Variants in PPP6R1 observed in about 807,000 individuals in gnomAD.
PPP6R1 encodes the protein protein phosphatase 6 regulatory subunit 1, also known as serine/threonine-protein phosphatase 6 regulatory subunit 1.
PPP6R1 carries 39 observed loss-of-function variants against 104.6 expected under a neutral mutation model. The ratio of observed to expected loss-of-function variants is 0.37; its 90% CI spans 0.29 to 0.49. The LOEUF is 0.49. PPP6R1 is among the 20% of genes least tolerant of loss of function. PPP6R1 has a pLI of 0.98. For missense variants in PPP6R1, 1,181 were observed against 1,155.8 expected (o/e 1.02, Z -0.32); for synonymous variants, 549 against 479.0 (o/e 1.15, Z -1.91).
chr19:55,247,378 G>A (rs1057492677), intron 1 of PPP6R1: 10 of 494,108 alleles, frequency 2.0e-5, no homozygotes, highest in South Asian at 6.5e-5. Flanking sequence ...CCTCCCGGCC[G>A]CCTCGCCTGA....
chr19:55,235,840 CTT>C lies in PPP6R1; in HGVS notation c.1988+801_1988+802del, dbSNP rs1196377498. Reference sequence around the variant, plus strand: ...GCTGATTTTTTTTAATTTGTTGATTCTTTTTTTTTTTTTTTTTTTTGAGACCA... The same window carrying C: ...GCTGATTTTTTTTAATTTGTTGATTCTTTTTTTTTTTTTTTTTTGAGACCA... On this transcript the variant is annotated intron_variant, in intron 17 of 23. Transcript: ENST00000412770. Among the ~76,000 whole-genome samples, 469 of 112,984 alleles carry C rather than the reference CTT, an allele frequency of 4.2e-3. 3 individuals are homozygous for C. The highest frequency in any genetic ancestry group is 0.013 in the African/African-American group (406 of 30,376). The allele number at this position is 112,984 out of a possible 152,430, so 74.1% of individuals were successfully genotyped here. A position where few individuals can be genotyped will look rare whatever the true frequency, so the allele number is the denominator to read the frequency against.
intron 1 of PPP6R1, among the ~76,000 whole-genome samples, chr19:55,254,431 C>A (rs2087577417): frequency 6.6e-6 from 1 of 152,202 alleles, no homozygotes; most frequent in Non-Finnish European, 1.5e-5. Flanking sequence ...CCAGCCACCC[C>A]TCAAGGGCCT....
chr19:55,237,994 G>A (rs1371738818), intron 15 of PPP6R1, among the ~76,000 whole-genome samples: 1 of 152,154 alleles, frequency 6.6e-6, no homozygotes, highest in Non-Finnish European at 1.5e-5. Context: ...CCCGAAAGGG[G>A]CAGCTGGTGA....
In PPP6R1 at chr19:55,236,811, T is replaced by C. The variant is rs761389762; in HGVS notation, c.1820A>G (p.Asn607Ser). 4 of 1,613,950 alleles carry C rather than the reference T, an allele frequency of 2.5e-6. No individual in the cohort carries two copies. The highest frequency in any genetic ancestry group is 1.3e-5 in the African/African-American group (1 of 75,076). The change falls in exon 17 of 24, where the codon AAC becomes AGC. Residue 607 changes from asparagine to serine, a missense_variant. This residue lies in a region of PPP6R1 where 1,042 missense variants were observed against 955.6 expected (regional missense o/e 1.09). Transcript: ENST00000412770. ...LNADDENPNA[N>S]LLEICYKDRI... ...GTCCTTGTAGCATATCTCAAGTAGG[T>C]TGGCGTTGGGCTGCAGGGCACAGGG... is the stretch of plus-strand genomic sequence containing the variant.
intron 10 of PPP6R1, 115 bp from the exon 11 acceptor site, chr19:55,240,415 C>A: frequency 4.8e-6 from 5 of 1,039,266 alleles, no homozygotes; most frequent in Middle Eastern, 2.9e-4. Flanking sequence ...CCCCGCTCAT[C>A]CAGAGACGGG....
chr19:55,233,864 A>G (rs2087371300), intron 17 of PPP6R1, among the ~76,000 whole-genome samples: 1 of 152,252 alleles, frequency 6.6e-6, no homozygotes, highest in African/African-American at 2.4e-5. Context: ...TGATCCTAAA[A>G]TTCATATGGA....
chr19:55,253,195 A>G (rs1384558824), intron 1 of PPP6R1, among the ~76,000 whole-genome samples: 2 of 152,260 alleles, frequency 1.3e-5, no homozygotes, highest in Non-Finnish European at 2.9e-5. Flanking sequence ...TCTCGGCTCC[A>G]CATCAAGACC....
In PPP6R1 at chr19:55,230,152, C is replaced by G. The variant is rs769348894; in HGVS notation, c.*376G>C. The G allele has an allele frequency of 1.6e-4, 35 of 224,480 alleles. No individual in the cohort carries two copies. Among genetic ancestry groups the G allele is most frequent in the Non-Finnish European group, 2.8e-4 (32 of 112,864 alleles). The allele number at this position is 224,480 out of a possible 1,614,324, so 13.9% of individuals were successfully genotyped here. A position where few individuals can be genotyped will look rare whatever the true frequency, so the allele number is the denominator to read the frequency against. On this transcript the variant is annotated 3_prime_UTR_variant, in exon 24 of 24. Coordinates refer to ENST00000412770, the MANE Select transcript of PPP6R1 (RefSeq NM_014931.4). Reference sequence around the variant, plus strand: ...TGGGTGGCAACCTTGGGACCCCTAACACCAGCTCCCGCTGGGACGGAACAG... The same window carrying G: ...TGGGTGGCAACCTTGGGACCCCTAAGACCAGCTCCCGCTGGGACGGAACAG...
chr19:55,241,272 C>T lies in PPP6R1; in HGVS notation c.1128G>A (p.Glu376=). 2 of 1,608,382 alleles carry T rather than the reference C, an allele frequency of 1.2e-6. No individual in the cohort carries two copies. The highest frequency in any genetic ancestry group is 8.5e-7 in the Non-Finnish European group (1 of 1,178,670). ...TGTTGGGCACGTCCAGTGCCAGGAG[C>T]TCGTGCGTCAGGGCTGCATCATTGG... The part of the protein sequence containing the change: ...LSANDAALTH[E]LLALDVPNTM... The change falls in exon 9 of 24, where the codon GAG becomes GAA. Residue 376 remains glutamate (E), a synonymous_variant. Coordinates refer to ENST00000412770, the MANE Select transcript of PPP6R1 (RefSeq NM_014931.4). The surrounding 1 kb of genome is among the most constrained non-coding windows in gnomAD (Gnocchi z 5.4).
downstream of PPP6R1, chr19:55,228,528 G>A (rs1418120969): frequency 2.6e-6 from 4 of 1,560,408 alleles, no homozygotes; most frequent in Admixed American, 5.6e-5. Context: ...ACCCCCACCT[G>A]GGACCCCAGC....
rs367598507 is a variant in PPP6R1 at position 55,231,426 on chromosome 19, G to C, written c.2443C>G (p.Pro815Ala). Residue 815 changes from proline (P) to alanine (A), a missense_variant, in exon 21 of 24, where the codon CCC becomes GCC. Transcript: ENST00000412770. Reference sequence around the variant, plus strand: ...GCTGCTCACCTGTCCGAGGAGCTGGGGGCAGAACGGATCCCGTGGAAGGTG... The same window carrying C: ...GCTGCTCACCTGTCCGAGGAGCTGGCGGCAGAACGGATCCCGTGGAAGGTG... ...QATFHGIRSA[P>A]SSSDSATRDP... 5.0e-6 allele frequency: 8 copies of C among 1,603,616 alleles called. No individual in the cohort carries two copies. The Admixed American group carries it at 1.0e-4, about 21-fold the overall frequency.
At chr19:55,233,686 A>G (rs2087369663) in intron 17 of PPP6R1, among the ~76,000 whole-genome samples, 2 of 152,262 alleles carry the variant, frequency 1.3e-5, no homozygotes, top group African/African-American at 2.4e-5. Context: ...TTCCATTTAC[A>G]ATAGTAACAG....
At position 55,240,036 on chromosome 19, in the gene PPP6R1, C is replaced by A; in HGVS notation, c.1440G>T (p.Lys480Asn). Residue 480 changes from lysine to asparagine, a missense_variant, in exon 12 of 24, where the codon AAG becomes AAT. Lys to Asn is a moderately conservative substitution (Grantham distance 94, BLOSUM62 0). Around this residue, in one of 2 missense-constraint regions of PPP6R1, gnomAD observed 1,042 missense variants for 955.6 expected, o/e 1.09. Coordinates refer to ENST00000412770, the MANE Select transcript of PPP6R1 (RefSeq NM_014931.4). The part of the protein sequence containing the change: ...VAGALVQNTE[K>N]GPNAEQLRQL... ...GCCGCAGCTGCTCTGCATTGGGCCC[C>A]TTCTCCGTGTTCTGCACCAGGGCAC... 6.2e-6 allele frequency: 10 copies of A among 1,603,628 alleles called. No homozygotes were observed. Among genetic ancestry groups the A allele is most frequent in the Non-Finnish European group, 8.5e-6 (10 of 1,176,408 alleles).
chr19:55,230,954 A>G (rs2087338720), intron 21 of PPP6R1, 70 bp from the exon 22 acceptor site: 2 of 1,320,406 alleles, frequency 1.5e-6, no homozygotes, highest in Non-Finnish European at 2.1e-6. Context: ...CTCACATCCC[A>G]CCCGACTGAA....
chr19:55,239,781 G>C (rs1341615569), intron 13 of PPP6R1, 45 bp downstream of exon 13: 4 of 1,602,048 alleles, frequency 2.5e-6, no homozygotes, highest in Non-Finnish European at 3.4e-6. Flanking sequence ...TGGCCCAAGA[G>C]AGAGAAGCAG....
chr19:55,236,212 TG>T, intron 17 of PPP6R1: 2 of 163,992 alleles, frequency 1.2e-5, no homozygotes, highest in Admixed American at 6.0e-5. Context: ...TGGAGTGCAG[TG>T]GTATGATCTC....
At chr19:55,249,639 G>A (rs1351190775) in intron 1 of PPP6R1, among the ~76,000 whole-genome samples, 1 of 152,138 alleles carries the variant, frequency 6.6e-6, no homozygotes, top group Admixed American at 6.5e-5. Context: ...TCAGGAGTTT[G>A]ACACCAGTCT....
At position 55,245,169 on chromosome 19, in the gene PPP6R1, T is replaced by A. The variant is rs767855035; in HGVS notation, c.569A>T (p.Lys190Met). ...CTGCTCAATCAGCCGCTGGACGATC[T>A]TCTCCTCGTTGAGCCACTGAGGGTG... is the stretch of plus-strand genomic sequence containing the variant. ...QDVVNWLNEE[K>M]IVQRLIEQIH... The change falls in exon 5 of 24, where the codon AAG becomes ATG. Residue 190 changes from lysine to methionine, a missense_variant. Physicochemically the swap from Lys to Met is moderately conservative, Grantham distance 95. Coordinates refer to ENST00000412770, the MANE Select transcript of PPP6R1 (RefSeq NM_014931.4). The surrounding 1 kb of genome is among the most constrained non-coding windows in gnomAD (Gnocchi z 6.4). The A allele has an allele frequency of 1.2e-6, 2 of 1,613,246 alleles. No individual in the cohort carries two copies. The highest frequency in any genetic ancestry group is 1.7e-6 in the Non-Finnish European group (2 of 1,179,682).
intron 5 of PPP6R1, among the ~76,000 whole-genome samples, chr19:55,243,404 C>CAAAAAAAAAAAAAAAAAAAAAAA (rs58375899): frequency 1.8e-4 from 9 of 49,142 alleles, no homozygotes; most frequent in African/African-American, 5.7e-4. Context: ...GACTCCATCT[C>CAAAAAAAAAAAAAAAAAAAAAAA]AAAAAAAAAA....
Sources: gnomAD v4.1 joint callset for allele counts (sites outside exome capture counted in the v4.1 genomes callset) on GRCh38, gnomAD v4.1.1 for gene constraint, gnomAD v4.1.1 regional missense constraint, Gnocchi (gnomAD v3.1) non-coding constraint, MANE v1.5 for transcripts, NCBI Gene and HGNC (gene_info 2026-07-23, HGNC 2026-07-21) for gene names.